The following TARS2 variants were observed in gnomAD, a reference collection of about 807,000 sequenced individuals.
TARS2 encodes the protein threonyl-tRNA synthetase 2, mitochondrial.
TARS2 carries 61 observed loss-of-function variants against 94.4 expected under a neutral mutation model. That is an observed-to-expected ratio of 0.65 (90% CI 0.53 to 0.80). The LOEUF is 0.80. TARS2 is among the 30% of genes least tolerant of loss of function. The pLI is 0.00. For synonymous variants in TARS2, 359 were observed against 353.4 expected, an observed-to-expected ratio of 1.02 and a Z score of -0.18; for missense variants, 704 against 902.5, an observed-to-expected ratio of 0.78 and a Z score of 2.82.
At chr1:150,497,276 C>A (rs1050141214) in intron 9 of TARS2, among the ~76,000 whole-genome samples, 1 of 151,840 alleles carries the variant, frequency 6.6e-6, no homozygotes, top group Admixed American at 6.6e-5. Flanking sequence ...TACAGTGAGA[C>A]TCCGTCTTGA....
At chr1:150,494,610 G>A (rs1007459748) in intron 7 of TARS2, among the ~76,000 whole-genome samples, 2 of 151,420 alleles carry the variant, frequency 1.3e-5, no homozygotes, top group African/African-American at 4.9e-5. Context: ...GTGGTGGCAT[G>A]CACCTGTAGT....
intron 7 of TARS2, among the ~76,000 whole-genome samples, chr1:150,493,978 C>T (rs587767569): frequency 6.6e-5 from 10 of 151,544 alleles, no homozygotes; most frequent in South Asian, 2.1e-4. Flanking sequence ...CCCCATGGCG[C>T]GGTGGCCTTG....
At chr1:150,488,834 A>C in intron 2 of TARS2, 130 bp from the exon 3 acceptor site, 1 of 1,355,136 alleles carries the variant, frequency 7.4e-7, no homozygotes, top group East Asian at 2.3e-5. Flanking sequence ...TCTGGTAACT[A>C]TCACTCTATT....
rs367685337 is a variant in TARS2 at position 150,491,961 on chromosome 1, GTT to G, written c.695+321_695+322del. On this transcript the variant is annotated intron_variant, in intron 6 of 17. Transcript: ENST00000369064. ...AGGCATGTGCCACCATGCCTGGCTA[GTT>G]TTTTTTTTTTTTTTTTTTTTTGAGA... The G allele has an allele frequency of 0.034, 4,326 of 127,996 alleles. 68 individuals carry two copies. The highest frequency in any genetic ancestry group is 0.11 in the African/African-American group (2,657 of 23,902). The allele number at this position is 127,996 out of a possible 1,614,324, so 7.9% of individuals were successfully genotyped here. A position where few individuals can be genotyped will look rare whatever the true frequency, so the allele number is the denominator to read the frequency against.
chr1:150,499,416 T>C lies in TARS2; in HGVS notation c.1617+123T>C, dbSNP rs587667918. On this transcript the variant is annotated intron_variant, in intron 13 of 17. Transcript: ENST00000369064. The stretch of plus-strand genomic sequence containing the variant: ...TCTCACTCTGTCACCCAGGCTAAAA[T>C]GCAGTGGTGTGATCTCAGCTCACTG... The C allele has an allele frequency of 3.1e-5, 28 of 890,560 alleles. No individual in the cohort carries two copies. In the African/African-American group the frequency reaches 4.6e-4, roughly 15 times the overall value. 55.2% of individuals were successfully genotyped at this position (890,560 alleles called of 1,614,324 possible).
chr1:150,504,497 T>C (rs1324363084), intron 14 of TARS2, 62 bp downstream of exon 14: 2 of 1,597,224 alleles, frequency 1.3e-6, no homozygotes, highest in Non-Finnish European at 1.7e-6. Context: ...CCTTCTGCCT[T>C]TGGCCCTAAA....
intron 10 of TARS2, 36 bp from the exon 11 acceptor site, chr1:150,498,466 C>G: frequency 6.6e-7 from 1 of 1,523,818 alleles, no homozygotes; most frequent in South Asian, 1.3e-5. Flanking sequence ...GGCTAGTCCT[C>G]CCTATGGCCC....
At chr1:150,506,847 G>T in intron 17 of TARS2, 69 bp from the exon 18 acceptor site, 1 of 1,594,802 alleles carries the variant, frequency 6.3e-7, no homozygotes, top group Non-Finnish European at 8.6e-7. Context: ...TCAAGTTTCT[G>T]CAGAGCAAAA....
chr1:150,499,372 A>ATT (rs34802685), intron 13 of TARS2, 79 bp downstream of exon 13: 23,241 of 1,110,384 alleles, frequency 0.021, no homozygotes, highest in Non-Finnish European at 0.024. Context: ...GATACAAAGA[A>ATT]TTTTTTTTTT....
intron 2 of TARS2, chr1:150,488,748 A>T: frequency 2.0e-6 from 1 of 500,110 alleles, no homozygotes; most frequent in Non-Finnish European, 3.5e-6. Context: ...ACATTAGAGC[A>T]TATTCCTTCT....
At chr1:150,503,565 GTGTGTGTGTGTGTATATATA>G (rs1670024827) in intron 13 of TARS2, among the ~76,000 whole-genome samples, 1 of 100,166 alleles carries the variant, frequency 1.0e-5, no homozygotes, top group Non-Finnish European at 2.1e-5. Flanking sequence ...GTGTGTGTGT[GTGTGTGTGTGTGTATATATA>G]TGTGTGTGTG....
intron 13 of TARS2, among the ~76,000 whole-genome samples, chr1:150,503,577 GTATATATA>G (rs370458461): frequency 7.8e-5 from 11 of 141,526 alleles, no homozygotes; most frequent in African/African-American, 2.7e-4. Context: ...GTGTGTGTGT[GTATATATA>G]TGTGTGTGTG....
chr1:150,499,272 T>C lies in TARS2; in HGVS notation c.1596T>C (p.Asp532=). 1 of 1,614,206 alleles carries C rather than the reference T, an allele frequency of 6.2e-7. No homozygotes were observed. Among genetic ancestry groups the C allele is most frequent in the South Asian group, 1.1e-5 (1 of 91,088 alleles). Residue 532 remains aspartate, a synonymous_variant, in exon 13 of 18, where the codon GAT becomes GAC. Transcript: ENST00000369064. ...FGEPWDLNSG[D]GAFYGPKIDV... ...AACCCTGGGACCTCAACTCTGGAGA[T>C]GGTGCCTTCTATGGACCTAAGGTAA...
chr1:150,497,740 G>A lies in TARS2; in HGVS notation c.1231G>A (p.Ala411Thr). The A allele has an allele frequency of 6.2e-7, 1 of 1,613,748 alleles. No homozygotes were observed. Among genetic ancestry groups the A allele is most frequent in the East Asian group, 2.2e-5 (1 of 44,876 alleles). The stretch of plus-strand genomic sequence containing the variant: ...CGCCCTCAAGCCTATGAACTGCCCT[G>A]CACACTGGTAAGCTGGGAGCTAGGG... ...TLALKPMNCP[A>T]HCLMFAHRPR... Residue 411 changes from alanine (A) to threonine (T), a missense_variant, in exon 10 of 18, where the codon GCA (alanine) becomes ACA (threonine). Around this residue, in one of 3 missense-constraint regions of TARS2, gnomAD observed 466 missense variants for 609.5 expected, o/e 0.76. Coordinates refer to ENST00000369064, the MANE Select transcript of TARS2 (RefSeq NM_025150.5).
intron 7 of TARS2, among the ~76,000 whole-genome samples, chr1:150,494,947 T>A (rs1669590924): frequency 6.6e-6 from 1 of 152,024 alleles, no homozygotes; most frequent in African/African-American, 2.4e-5. Context: ...TTTGGGAGGC[T>A]GAGGCAGGCG....
chr1:150,498,938 C>G lies in TARS2; in HGVS notation c.1443C>G (p.Ser481=). 1.9e-6 allele frequency: 3 copies of G among 1,614,208 alleles called. No homozygotes were observed. Among genetic ancestry groups the G allele is most frequent in the South Asian group, 2.2e-5 (2 of 91,086 alleles). The part of the protein sequence containing the change: ...EIQSCLDFLR[S]VYAVLGFSFR... ...AAAGCTGTCTTGATTTCCTCCGTTC[C>G]GTCTATGCCGTTCTTGGCTTCTCCT... Residue 481 remains serine (S), a synonymous_variant, in exon 12 of 18, where the codon TCC becomes TCG. Coordinates refer to ENST00000369064, the MANE Select transcript of TARS2 (RefSeq NM_025150.5).
rs752082110 is a variant in TARS2, at chr1:150,499,220, T to C, written c.1544T>C (p.Leu515Pro). 4 of 1,614,186 alleles carry C rather than the reference T, an allele frequency of 2.5e-6. No individual in the cohort carries two copies. In the South Asian group the frequency reaches 4.4e-5, roughly 18 times the overall value. The change falls in exon 13 of 18, where the codon CTT (leucine) becomes CCT (proline). Residue 515 changes from leucine to proline, a missense_variant. Physicochemically the swap from Leu to Pro is moderately conservative, Grantham distance 98 (BLOSUM62 -3). Around this residue, in one of 3 missense-constraint regions of TARS2, gnomAD observed 466 missense variants for 609.5 expected, o/e 0.76. Coordinates refer to ENST00000369064, the MANE Select transcript of TARS2 (RefSeq NM_025150.5). Reference sequence around the variant, plus strand: ...TCTTGTCTCATTCCTTCAAAGGTCCTTAAACAGGCCCTGAAGGAATTTGGA... The same window carrying C: ...TCTTGTCTCATTCCTTCAAAGGTCCCTAAACAGGCCCTGAAGGAATTTGGA... ...PCLWDQAEQV[L>P]KQALKEFGEP...
At chr1:150,498,691 C>T (rs1477825595) in intron 11 of TARS2, 27 bp downstream of exon 11, 1 of 1,613,286 alleles carries the variant, frequency 6.2e-7, no homozygotes, top group Non-Finnish European at 8.5e-7. Flanking sequence ...TCCACCAAAG[C>T]TTTTCTAAAC....
At position 150,496,524 on chromosome 1, in the gene TARS2, C is replaced by T; in HGVS notation, c.817C>T (p.Leu273=). Residue 273 remains leucine (L), a synonymous_variant, in exon 8 of 18, where the codon CTG becomes TTG. Transcript: ENST00000369064. ...GAGGTCTTCAGGGGCCCCAGAGACA[C>T]TGCAGAGAGTGTCAGGGATTTCCTT... ...LWRSSGAPET[L]QRVSGISFPT... The T allele has an allele frequency of 6.2e-7, 1 of 1,614,146 alleles. No homozygotes were observed. Among genetic ancestry groups the T allele is most frequent in the Non-Finnish European group, 8.5e-7 (1 of 1,180,020 alleles).
Sources: allele counts gnomAD v4.1 joint callset (sites outside exome capture counted in the v4.1 genomes callset), GRCh38; gene constraint gnomAD v4.1.1; regional missense constraint gnomAD v4.1.1; transcripts MANE v1.5; gene names NCBI Gene and HGNC (gene_info 2026-07-23, HGNC 2026-07-21).